Variants in RHOT2 observed in about 807,000 individuals in gnomAD.
The protein encoded by RHOT2 is mitochondrial Rho GTPase 2.
A neutral mutation model predicts 81.6 loss-of-function variants in RHOT2; 90 were observed. The ratio of observed to expected loss-of-function variants is 1.10; its 90% confidence interval spans 0.93 to 1.31. The LOEUF (loss-of-function observed/expected upper bound fraction) is 1.31, where lower values mean the gene tolerates loss of function less well. RHOT2 is among the 40% of genes most tolerant of loss of function. The pLI is 0.00. For missense variants in RHOT2, 1,014 were observed against 841.9 expected (o/e 1.20, Z -2.53); for synonymous variants, 512 against 370.9 (o/e 1.38, Z -4.37).
intron 11 of RHOT2, 117 bp downstream of exon 11, chr16:671,320 G>A (rs1160937605): frequency 1.4e-6 from 2 of 1,420,060 alleles, no homozygotes; most frequent in Non-Finnish European, 1.9e-6. Flanking sequence ...CTGAGGGTCA[G>A]TGAAGGTCTC....
chr16:671,331 G>A, intron 11 of RHOT2, 128 bp downstream of exon 11: 2 of 1,354,504 alleles, frequency 1.5e-6, no homozygotes, highest in Non-Finnish European at 2.0e-6. Context: ...TGAAGGTCTC[G>A]CTCAGCAGGC....
chr16:670,451 C>G lies in RHOT2; in HGVS notation c.439-5C>G. ...ACTTCCCTGAGGCTGTTCCCACTTT[C>G]CCAGTGTTCGGCCAAGAACCTGAGG... On this transcript the variant is annotated splice_region_variant and splice_polypyrimidine_tract_variant and intron_variant, in intron 7 of 18. Transcript: ENST00000315082. The G allele has an allele frequency of 6.2e-7, 1 of 1,605,622 alleles. No individual in the cohort carries two copies. The highest frequency in any genetic ancestry group is 1.1e-5 in the South Asian group (1 of 90,116).
At position 673,848 on chromosome 16, in the gene RHOT2, C is replaced by G. The variant is rs1467464900; in HGVS notation, c.*242C>G. 1 of 610,776 alleles carries G rather than the reference C, an allele frequency of 1.6e-6. No homozygotes were observed. Among genetic ancestry groups the G allele is most frequent in the Non-Finnish European group, 2.9e-6 (1 of 339,418 alleles). 37.8% of individuals were successfully genotyped at this position (610,776 alleles called of 1,614,324 possible). ...GTGGCTGAGCAGGAGCTCCCAAGTG[C>G]CGGCCACCGCTGTCAGGGATTGCCC... On this transcript the variant is annotated 3_prime_UTR_variant, in exon 19 of 19. Coordinates refer to ENST00000315082, the MANE Select transcript of RHOT2 (RefSeq NM_138769.3).
intron 6 of RHOT2, 32 bp from the exon 7 acceptor site, chr16:670,217 C>T (rs1419816397): frequency 7.4e-6 from 12 of 1,611,714 alleles, no homozygotes; most frequent in Non-Finnish European, 9.3e-6. Flanking sequence ...CCTGGCTCCC[C>T]TGCCCCTGGT....
intron 6 of RHOT2, 28 bp downstream of exon 6, chr16:670,203 G>A: frequency 6.2e-7 from 1 of 1,611,276 alleles, no homozygotes; most frequent in Non-Finnish European, 8.5e-7. Context: ...AAGGGGCTGG[G>A]ACCCCTGGCT....
At chr16:671,810 G>GCCCCAGCCCCCC in intron 12 of RHOT2, 29 bp downstream of exon 12, 1 of 1,586,242 alleles carries the variant, frequency 6.3e-7, no homozygotes, top group East Asian at 2.3e-5. Flanking sequence ...CCCTGCCCCT[G>GCCCCAGCCCCCC]CCCCCGCCCC....
rs2038227827 is a variant in RHOT2, at chr16:668,194, G to T, written c.-6G>T. 2.1e-6 allele frequency: 1 copy of T among 485,698 alleles called. No homozygotes were observed. The highest frequency in any genetic ancestry group is 4.0e-5 in the Admixed American group (1 of 25,092). The allele number at this position is 485,698 out of a possible 1,614,324, so 30.1% of individuals were successfully genotyped here. On this transcript the variant is annotated 5_prime_UTR_variant, in exon 1 of 19. Transcript: ENST00000315082. ...CCGGGTCGGGGAGCGGCTCCGGGCG[G>T]CAGCTATGAGGCGGGACGTGCGCAT...
chr16:668,215 C>G lies in RHOT2; in HGVS notation c.16C>G (p.Arg6Gly). MRRDVRILLLGEAQVG... is the reference protein window; with the variant it reads MRRDVGILLLGEAQVG... ...GGCGGCAGCTATGAGGCGGGACGTGCGCATCCTGTTACTGGGCGAGGGTAG... is the reference window on the plus strand; with the variant it reads ...GGCGGCAGCTATGAGGCGGGACGTGGGCATCCTGTTACTGGGCGAGGGTAG... Residue 6 changes from arginine (R) to glycine (G), a missense_variant, in exon 1 of 19, where the codon CGC (arginine) becomes GGC (glycine). By Grantham distance (125) the Arg-to-Gly change is moderately radical. Coordinates refer to ENST00000315082, the MANE Select transcript of RHOT2 (RefSeq NM_138769.3). The G allele has an allele frequency of 1.8e-6, 1 of 544,872 alleles. No individual in the cohort carries two copies. The highest frequency in any genetic ancestry group is 3.0e-6 in the Non-Finnish European group (1 of 331,204). The allele number at this position is 544,872 out of a possible 1,614,324, so 33.8% of individuals were successfully genotyped here.
In RHOT2 at chr16:672,377, G is replaced by C; in HGVS notation, c.1319G>C (p.Gly440Ala). 3.7e-6 allele frequency: 6 copies of C among 1,610,004 alleles called. No homozygotes were observed. The highest frequency in any genetic ancestry group is 5.1e-6 in the Non-Finnish European group (6 of 1,178,336). The change falls in exon 15 of 19, where the codon GGC becomes GCC. Residue 440 changes from glycine to alanine, a missense_variant. Physicochemically the swap from Gly to Ala is moderately conservative, Grantham distance 60. Coordinates refer to ENST00000315082, the MANE Select transcript of RHOT2 (RefSeq NM_138769.3). ...TTCCTGCAGGCCTTTCTCGGCCGCGGCCTGGGGGTAAGCACCCTAGACTCC... is the reference window on the plus strand; with the variant it reads ...TTCCTGCAGGCCTTTCTCGGCCGCGCCCTGGGGGTAAGCACCCTAGACTCC... Reference protein sequence around the residue: ...SAFLQAFLGRGLGHQDTREQP... With the variant: ...SAFLQAFLGRALGHQDTREQP...
At chr16:672,435 G>A (rs2039126260) in intron 15 of RHOT2, 51 bp downstream of exon 15, 1 of 1,609,792 alleles carries the variant, frequency 6.2e-7, no homozygotes, top group Non-Finnish European at 8.5e-7. Context: ...GGGCAGGGCA[G>A]GGCAATCTGG....
intron 18 of RHOT2, 137 bp from the exon 19 acceptor site, chr16:673,343 C>A: frequency 7.2e-7 from 1 of 1,379,942 alleles, no homozygotes; most frequent in Non-Finnish European, 1.0e-6. Context: ...CCTCCAGGGC[C>A]TGGCCTCCAC....
chr16:670,300 C>T lies in RHOT2; in HGVS notation c.381C>T (p.Ser127=). 9 of 1,612,830 alleles carry T rather than the reference C, an allele frequency of 5.6e-6. No individual in the cohort carries two copies. Among genetic ancestry groups the T allele is most frequent in the South Asian group, 1.1e-5 (1 of 91,080 alleles). ...AGTCAGACCTGCGGTCGGGGAGCTC[C>T]ATGGAGGCCGTGCTCCCCATCATGA... ...GNKSDLRSGS[S]MEAVLPIMSQ... Residue 127 remains serine, a synonymous_variant, in exon 7 of 19, where the codon TCC becomes TCT. Coordinates refer to ENST00000315082, the MANE Select transcript of RHOT2 (RefSeq NM_138769.3).
chr16:668,683 G>T lies in RHOT2; in HGVS notation c.206G>T (p.Arg69Leu). The T allele has an allele frequency of 6.2e-7, 1 of 1,603,856 alleles. No homozygotes were observed. Residue 69 changes from arginine to leucine, a missense_variant, in exon 4 of 19, where the codon CGG (arginine) becomes CTG (leucine). Arg to Leu is a moderately radical substitution (Grantham distance 102). Transcript: ENST00000315082. The part of the protein sequence containing the change: ...SEAEQTDEEL[R>L]EEIHKANVVC... Reference sequence around the variant, plus strand: ...GCCGAGCAGACGGACGAGGAGCTGCGGGAGGAGATCCACAAGGTACCCGTG... The same window carrying T: ...GCCGAGCAGACGGACGAGGAGCTGCTGGAGGAGATCCACAAGGTACCCGTG...
In RHOT2 at chr16:668,473, G is replaced by C. The variant is rs764248819; in HGVS notation, c.97-15G>C. ...CCAGCCGGGGGTCCCTGGTGAGCGCGCGGGTCCCTTGCAGGTCCCTCCCCG... is the reference window on the plus strand; with the variant it reads ...CCAGCCGGGGGTCCCTGGTGAGCGCCCGGGTCCCTTGCAGGTCCCTCCCCG... On this transcript the variant is annotated splice_polypyrimidine_tract_variant and intron_variant, in intron 2 of 18. Transcript: ENST00000315082. 11 of 1,597,588 alleles carry C rather than the reference G, an allele frequency of 6.9e-6. No individual in the cohort carries two copies. In the South Asian group the frequency reaches 1.2e-4, roughly 18 times the overall value.
chr16:669,475 G>T lies in RHOT2; in HGVS notation c.223-78G>T. The T allele has an allele frequency of 2.7e-6, 4 of 1,473,864 alleles. No homozygotes were observed. The Admixed American group carries it at 7.1e-5, about 26-fold the overall frequency. The allele number at this position is 1,473,864 out of a possible 1,614,324, so 91.3% of individuals were successfully genotyped here. A position where few individuals can be genotyped will look rare whatever the true frequency, so the allele number is the denominator to read the frequency against. ...AGCTTCTGGGGCCTCCTGGAGCCTC[G>T]AGATGGCGTGGAACGGCCAGGGTCG... On this transcript the variant is annotated intron_variant, in intron 4 of 18. Transcript: ENST00000315082.
At position 670,234 on chromosome 16, in the gene RHOT2, G is replaced by T; in HGVS notation, c.330-15G>T. 1 of 1,612,260 alleles carries T rather than the reference G, an allele frequency of 6.2e-7. No individual in the cohort carries two copies. The highest frequency in any genetic ancestry group is 8.5e-7 in the Non-Finnish European group (1 of 1,179,674). On this transcript the variant is annotated splice_polypyrimidine_tract_variant and intron_variant, in intron 6 of 18. Transcript: ENST00000315082. ...TGGCTCCCCTGCCCCTGGTGACCAT[G>T]GGCCTTCAACCCAGGGTGCCCATCA...
At chr16:669,800 A>G in intron 5 of RHOT2, 194 bp downstream of exon 5, 2 of 642,470 alleles carry the variant, frequency 3.1e-6, no homozygotes, top group South Asian at 3.7e-5. Context: ...GGCGTCCCGC[A>G]GTCTGAGCCA....
In RHOT2 at chr16:670,567, G is replaced by A. The variant is rs948431289; in HGVS notation, c.540+10G>A. On this transcript the variant is annotated intron_variant, in intron 8 of 18. Transcript: ENST00000315082. ...CCCTGAGGCCAAGCAGGTGAGCATC[G>A]GCTGGGGCCCCGCACGCTGGTTCCC... 1.1e-5 allele frequency: 17 copies of A among 1,599,648 alleles called. No individual in the cohort carries two copies. Among genetic ancestry groups the A allele is most frequent in the Middle Eastern group, 1.7e-4 (1 of 6,012 alleles).
At position 673,652 on chromosome 16, in the gene RHOT2, C is replaced by A. The variant is rs201866219; in HGVS notation, c.*46C>A. On this transcript the variant is annotated 3_prime_UTR_variant, in exon 19 of 19. Transcript: ENST00000315082. ...CCTCCCCTGACCTGGGTGTGCCTCG[C>A]TGCTGGGGCTCTGCAGGGGCAGCAC... 1.1e-5 allele frequency: 18 copies of A among 1,574,374 alleles called. 1 individual carries two copies. The African/African-American group carries it at 2.2e-4, about 19-fold the overall frequency.
Sources: allele counts gnomAD v4.1 joint callset, GRCh38; gene constraint gnomAD v4.1.1; transcripts MANE v1.5; gene names NCBI Gene and HGNC (gene_info 2026-07-23, HGNC 2026-07-21).